Variants in SUMF1 observed in about 807,000 individuals in gnomAD.
The protein encoded by SUMF1 is formylglycine-generating enzyme.
SUMF1 carries 48 observed loss-of-function variants against 47.6 expected under a neutral mutation model. The observed-to-expected ratio is 1.01, with a 90% CI of 0.80 to 1.28. The LOEUF (loss-of-function observed/expected upper bound fraction) is 1.28. Among genes scored for constraint, SUMF1 ranks in the 50% most tolerant of loss-of-function variants. SUMF1 has a pLI of 0.00. For synonymous variants in SUMF1, 230 were observed against 192.1 expected, an observed-to-expected ratio of 1.20 and a Z score of -1.63; for missense variants, 571 against 485.4, an observed-to-expected ratio of 1.18 and a Z score of -1.66.
intron 8 of SUMF1, among the ~76,000 whole-genome samples, chr3:4,341,152 G>C (rs532061808): frequency 1.3e-5 from 2 of 151,974 alleles, no homozygotes; most frequent in East Asian, 1.9e-4. Context: ...ACATGAGCTG[G>C]CATTATTGCC....
chr3:4,052,275 T>A (rs1280624447), intron 9 of SUMF1, among the ~76,000 whole-genome samples: 2 of 152,162 alleles, frequency 1.3e-5, no homozygotes, highest in African/African-American at 2.4e-5. Context: ...AGGGCTCCAC[T>A]GCCATGATGT....
chr3:4,302,715 G>A (rs1378491466), intron 8 of SUMF1, among the ~76,000 whole-genome samples: 1 of 152,134 alleles, frequency 6.6e-6, no homozygotes, highest in Non-Finnish European at 1.5e-5. Context: ...GGAGAAGCAG[G>A]ACAATCATGT....
intron 8 of SUMF1, among the ~76,000 whole-genome samples, chr3:4,268,875 A>C (rs1487393372): frequency 6.6e-6 from 1 of 151,968 alleles, no homozygotes; most frequent in African/African-American, 2.4e-5. Flanking sequence ...ATTTAGAGTG[A>C]ATGTGTGTGT....
chr3:4,171,747 T>C (rs2600133), intron 8 of SUMF1, among the ~76,000 whole-genome samples: 143,720 of 152,178 alleles, frequency 0.94, 67,887 homozygotes, highest in East Asian at 1. Context: ...GGAGATGGAG[T>C]TGTAGGCTGG....
chr3:4,211,207 T>TAC (rs1268274703), intron 8 of SUMF1, among the ~76,000 whole-genome samples: 1 of 125,712 alleles, frequency 8.0e-6, no homozygotes, highest in Non-Finnish European at 1.6e-5. Context: ...TACATACATA[T>TAC]ATATATATAT....
At chr3:4,307,556 G>C (rs951444849) in intron 8 of SUMF1, among the ~76,000 whole-genome samples, 1 of 152,184 alleles carries the variant, frequency 6.6e-6, no homozygotes, top group Non-Finnish European at 1.5e-5. Flanking sequence ...CAAGACAAGA[G>C]TGTATTTTCT....
At chr3:4,303,415 G>A in intron 8 of SUMF1, 2 of 1,555,132 alleles carry the variant, frequency 1.3e-6, no homozygotes, top group Middle Eastern at 3.4e-4. Context: ...GTGGGATGGC[G>A]GAGTTTAAGG....
At chr3:4,343,601 C>T (rs897722561) in intron 8 of SUMF1, among the ~76,000 whole-genome samples, 5 of 152,338 alleles carry the variant, frequency 3.3e-5, no homozygotes, top group African/African-American at 1.2e-4. Context: ...ACTATGCCTG[C>T]ACCCTACAGA....
chr3:4,070,921 G>A (rs755270921), intron 8 of SUMF1, among the ~76,000 whole-genome samples: 54 of 152,074 alleles, frequency 3.6e-4, no homozygotes, highest in Admixed American at 2.8e-3. Context: ...GTGACCCACC[G>A]TGCCTGGCCT....
intron 3 of SUMF1, among the ~76,000 whole-genome samples, chr3:4,447,938 G>A (rs953284881): frequency 1.7e-4 from 26 of 151,938 alleles, no homozygotes; most frequent in Admixed American, 7.2e-4. Flanking sequence ...AAAAATAAGC[G>A]CAAACGCCCA....
At chr3:4,300,250 G>A (rs751298348) in intron 8 of SUMF1, among the ~76,000 whole-genome samples, 8 of 152,150 alleles carry the variant, frequency 5.3e-5, no homozygotes, top group Non-Finnish European at 1.0e-4. Flanking sequence ...CATGTGAGAT[G>A]CCTGCTTCCT....
intron 7 of SUMF1, among the ~76,000 whole-genome samples, chr3:4,408,972 T>C (rs1018915380): frequency 8.6e-5 from 13 of 151,694 alleles, no homozygotes; most frequent in African/African-American, 3.1e-4. Context: ...AAAATAAAAA[T>C]TAAAAAAAAA....
chr3:4,436,008 G>A (rs527533662), intron 3 of SUMF1, among the ~76,000 whole-genome samples: 1 of 152,354 alleles, frequency 6.6e-6, no homozygotes, highest in South Asian at 2.1e-4. Context: ...GAGGCGGGGT[G>A]CAGTGATGCA....
At chr3:4,353,858 T>G (rs1699562337) in intron 8 of SUMF1, among the ~76,000 whole-genome samples, 1 of 151,908 alleles carries the variant, frequency 6.6e-6, no homozygotes, top group Non-Finnish European at 1.5e-5. Flanking sequence ...TTTCATTTGT[T>G]TATTTTCATT....
At chr3:4,261,495 A>T (rs1484009833) in intron 8 of SUMF1, among the ~76,000 whole-genome samples, 1 of 152,220 alleles carries the variant, frequency 6.6e-6, no homozygotes, top group Non-Finnish European at 1.5e-5. Context: ...AAATTAAAAC[A>T]GCCTGGGCAT....
chr3:4,364,582 A>AT (rs1237301867), intron 8 of SUMF1, among the ~76,000 whole-genome samples: 4 of 151,206 alleles, frequency 2.6e-5, no homozygotes, highest in Admixed American at 1.3e-4. Context: ...CCCCTTTATC[A>AT]TTTTTTATTG....
intron 8 of SUMF1, chr3:4,313,915 A>G: frequency 7.4e-7 from 1 of 1,355,586 alleles, no homozygotes; most frequent in African/African-American, 1.5e-5. Context: ...TCTGTAATAG[A>G]ATTCTCCATT....
intron 8 of SUMF1, among the ~76,000 whole-genome samples, chr3:4,154,164 G>T (rs1694401096): frequency 6.6e-6 from 1 of 151,650 alleles, no homozygotes; most frequent in South Asian, 2.1e-4. Context: ...TAGAATGTGT[G>T]GAGGTATCCA....
chr3:4,436,699 G>C (rs529285227), intron 3 of SUMF1, among the ~76,000 whole-genome samples: 1 of 151,540 alleles, frequency 6.6e-6, no homozygotes, highest in African/African-American at 2.4e-5. Context: ...ATTAACTGTA[G>C]CTCCACAAAC....
Sources: gnomAD v4.1 joint callset for allele counts (sites outside exome capture counted in the v4.1 genomes callset) on GRCh38, gnomAD v4.1.1 for gene constraint, MANE v1.5 for transcripts, NCBI Gene and HGNC (gene_info 2026-07-23, HGNC 2026-07-21) for gene names.